ALDH1A2: variants seen among roughly 807,000 people sequenced by gnomAD.
ALDH1A2 encodes aldehyde dehydrogenase 1 family member A2, also known as retinal dehydrogenase 2.
ALDH1A2 carries 27 observed loss-of-function variants against 60.3 expected under a neutral mutation model. The observed-to-expected ratio is 0.45, with a 90% CI of 0.33 to 0.62. ALDH1A2 has a LOEUF of 0.62. Ranked by LOEUF, ALDH1A2 falls within the 20% of genes least tolerant of loss-of-function variation. The probability of loss-of-function intolerance (pLI) is 0.02; values close to 1 mark genes in which losing one functional copy is unlikely to be tolerated. For synonymous variants in ALDH1A2, 289 were observed against 232.4 expected (o/e 1.24, Z -2.21); for missense variants, 581 against 643.8 (o/e 0.90, Z 1.06).
chr15:58,059,903 C>G lies in ALDH1A2; in HGVS notation c.117+5631G>C, dbSNP rs188623148. Among the ~76,000 whole-genome samples, 488 of 152,100 alleles carry G rather than the reference C, an allele frequency of 3.2e-3. 4 individuals are homozygous for G. Among genetic ancestry groups the G allele is most frequent in the African/African-American group, 0.011 (467 of 41,480 alleles). ...AATTAAAAGAATACATAAAACAGACCGGTTTTATAAAACTTTGTTGATCAT... is the reference window on the plus strand; with the variant it reads ...AATTAAAAGAATACATAAAACAGACGGGTTTTATAAAACTTTGTTGATCAT... On this transcript the variant is annotated intron_variant, in intron 1 of 12. Transcript: ENST00000249750.
intron 4 of ALDH1A2, among the ~76,000 whole-genome samples, chr15:58,004,690 G>GA (rs1895389148): frequency 1.2e-5 from 1 of 82,304 alleles, no homozygotes; most frequent in Non-Finnish European, 2.8e-5. Flanking sequence ...AGTATCCCAT[G>GA]ATTTGTGTGT....
intron 12 of ALDH1A2, among the ~76,000 whole-genome samples, chr15:57,955,893 TATCTA>T (rs774987380): frequency 7.9e-5 from 12 of 152,172 alleles, no homozygotes; most frequent in Non-Finnish European, 1.5e-4. Context: ...TTTTTCCCCT[TATCTA>T]ATCTATTTCA....
intron 7 of ALDH1A2, 24 bp downstream of exon 7, chr15:57,992,681 A>G (rs781760645): frequency 6.2e-7 from 1 of 1,604,948 alleles, no homozygotes; most frequent in South Asian, 1.1e-5. Context: ...CTGTTCCTCA[A>G]GCCCTGGTTT....
chr15:58,057,650 T>C (rs1462378121), intron 1 of ALDH1A2, among the ~76,000 whole-genome samples: 2 of 152,146 alleles, frequency 1.3e-5, no homozygotes, highest in Admixed American at 6.5e-5. Context: ...GAAACATCTC[T>C]ATCTTCTGAA....
chr15:58,026,132 A>G (rs1896074315), intron 1 of ALDH1A2, among the ~76,000 whole-genome samples: 1 of 152,208 alleles, frequency 6.6e-6, no homozygotes, highest in Non-Finnish European at 1.5e-5. Context: ...ACAAAATAAG[A>G]AAACTACAAG....
chr15:57,977,243 C>T (rs1321815115), intron 7 of ALDH1A2, among the ~76,000 whole-genome samples: 1 of 152,022 alleles, frequency 6.6e-6, no homozygotes, highest in South Asian at 2.1e-4. Flanking sequence ...TGTGCACAAG[C>T]GGTTTAGTTT....
chr15:57,976,361 T>C (rs562725684), intron 7 of ALDH1A2, among the ~76,000 whole-genome samples: 11 of 152,288 alleles, frequency 7.2e-5, no homozygotes, highest in African/African-American at 2.4e-4. Flanking sequence ...TGTGCCATGG[T>C]GGTTTGCTGC....
rs1284021147 is a variant in ALDH1A2, at chr15:58,058,884, A to G, written c.117+6650T>C. 3.9e-5 allele frequency among the ~76,000 whole-genome samples: 6 copies of G among 152,310 alleles called. No homozygotes were observed. The South Asian group carries it at 8.3e-4, about 21-fold the overall frequency. ...ATACTAATTTTTAACCACATTCTAC[A>G]GAGGTCAATTAATCCCCACGTTTAG... On this transcript the variant is annotated intron_variant, in intron 1 of 12. Coordinates refer to ENST00000249750, the MANE Select transcript of ALDH1A2 (RefSeq NM_003888.4).
At chr15:57,998,516 A>G (rs573920039) in intron 4 of ALDH1A2, among the ~76,000 whole-genome samples, 8 of 152,042 alleles carry the variant, frequency 5.3e-5, no homozygotes, top group South Asian at 4.1e-4. Flanking sequence ...GACCTCTTCA[A>G]GGAGAACTAA....
chr15:57,981,941 C>T (rs1278281889), intron 7 of ALDH1A2, among the ~76,000 whole-genome samples: 1 of 152,138 alleles, frequency 6.6e-6, no homozygotes, highest in Non-Finnish European at 1.5e-5. Flanking sequence ...GGTTGAGAGA[C>T]CCACATGTGG....
At chr15:58,029,730 C>G (rs1278616616) in intron 1 of ALDH1A2, among the ~76,000 whole-genome samples, 1 of 152,084 alleles carries the variant, frequency 6.6e-6, no homozygotes, top group Non-Finnish European at 1.5e-5. Flanking sequence ...CACAGAAATA[C>G]AAACTACCAT....
At chr15:57,970,030 T>C (rs1174684336) in intron 7 of ALDH1A2, among the ~76,000 whole-genome samples, 18 of 152,094 alleles carry the variant, frequency 1.2e-4, no homozygotes, top group Non-Finnish European at 2.5e-4. Flanking sequence ...AACAAATCTC[T>C]CCCTTAGTAC....
In ALDH1A2 at chr15:58,004,928, T is replaced by C. The variant is rs190770464; in HGVS notation, c.493+5721A>G. 5.9e-5 allele frequency among the ~76,000 whole-genome samples: 9 copies of C among 151,414 alleles called. No individual in the cohort carries two copies. In the East Asian group the frequency reaches 1.6e-3, roughly 26 times the overall value. The stretch of plus-strand genomic sequence containing the variant: ...ACCCCATGTTCATGGATTAGAAGAC[T>C]CAATATTGTTAAAATGACCATACTT... On this transcript the variant is annotated intron_variant, in intron 4 of 12. Transcript: ENST00000249750.
intron 1 of ALDH1A2, among the ~76,000 whole-genome samples, chr15:58,039,889 C>G (rs1475644283): frequency 6.6e-6 from 1 of 151,746 alleles, no homozygotes; most frequent in East Asian, 1.9e-4. Flanking sequence ...GCAATCATTT[C>G]TTAGTCACCT....
intron 1 of ALDH1A2, among the ~76,000 whole-genome samples, chr15:58,063,613 A>C (rs1254444138): frequency 6.6e-6 from 1 of 152,180 alleles, no homozygotes; most frequent in Non-Finnish European, 1.5e-5. Context: ...GTCTCACTAA[A>C]GAGCTGAGGA....
intron 2 of ALDH1A2, 66 bp downstream of exon 2, chr15:58,014,111 T>A: frequency 6.2e-7 from 1 of 1,613,996 alleles, no homozygotes; most frequent in Non-Finnish European, 8.5e-7. Flanking sequence ...TGAGAGCATA[T>A]GTTTGCTGCT....
chr15:57,960,879 T>G, intron 11 of ALDH1A2, 35 bp from the exon 12 acceptor site: 2 of 1,589,450 alleles, frequency 1.3e-6, no homozygotes, highest in Non-Finnish European at 8.6e-7. Flanking sequence ...TGAGTTCGTG[T>G]GAAGTCTGAG....
chr15:57,996,370 C>G (rs1309101208), intron 4 of ALDH1A2, among the ~76,000 whole-genome samples: 3 of 150,184 alleles, frequency 2.0e-5, no homozygotes, highest in African/African-American at 5.0e-5. Context: ...TCTCTACCCC[C>G]TCTTGCCATA....
chr15:58,034,977 T>C (rs148727687), intron 1 of ALDH1A2, among the ~76,000 whole-genome samples: 278 of 151,812 alleles, frequency 1.8e-3, no homozygotes, highest in Middle Eastern at 6.8e-3. Context: ...AGGGTAACGA[T>C]GGCCTCATAA....
Sources: gnomAD v4.1 joint callset for allele counts (sites outside exome capture counted in the v4.1 genomes callset) on GRCh38, gnomAD v4.1.1 for gene constraint, MANE v1.5 for transcripts, NCBI Gene and HGNC (gene_info 2026-07-23, HGNC 2026-07-21) for gene names.